The following A2ML1 variants were observed in gnomAD, a reference collection of about 807,000 sequenced individuals.
The protein encoded by A2ML1 is alpha-2-macroglobulin like 1.
In A2ML1, 161 loss-of-function variants were observed where a neutral mutation model predicts 181.9. That is an observed-to-expected ratio of 0.89 (90% CI 0.78 to 1.01). The LOEUF is 1.01. Ranked by LOEUF, A2ML1 falls within the 50% of genes least tolerant of loss-of-function variation. The pLI is 0.00. For synonymous variants in A2ML1, 663 were observed against 666.8 expected, an observed-to-expected ratio of 0.99 and a Z score of 0.09; for missense variants, 1,670 against 1,768.1, an observed-to-expected ratio of 0.94 and a Z score of 1.00.
chr12:8,868,070 C>T lies in A2ML1; in HGVS notation c.3933+13C>T, dbSNP rs754708984. Reference sequence around the variant, plus strand: ...TGTCTATGTGCAGGTAAGTAGAGATCCATGAGAATGAGCGGACATTGGGAA... The same window carrying T: ...TGTCTATGTGCAGGTAAGTAGAGATTCATGAGAATGAGCGGACATTGGGAA... On this transcript the variant is annotated intron_variant, in intron 30 of 35. Transcript: ENST00000299698. 3 of 1,612,556 alleles carry T rather than the reference C, an allele frequency of 1.9e-6. No homozygotes were observed. The highest frequency in any genetic ancestry group is 2.5e-6 in the Non-Finnish European group (3 of 1,178,582).
chr12:8,857,402 A>C, intron 24 of A2ML1, 62 bp downstream of exon 24: 4 of 1,580,518 alleles, frequency 2.5e-6, no homozygotes, highest in Non-Finnish European at 3.4e-6. Flanking sequence ...TGACAGATTG[A>C]TGATACAGGG....
chr12:8,854,795 G>A lies in A2ML1; in HGVS notation c.2728G>A (p.Val910Met). Residue 910 changes from valine (V) to methionine (M), a missense_variant, in exon 22 of 36, where the codon GTG (valine) becomes ATG (methionine). Coordinates refer to ENST00000299698, the MANE Select transcript of A2ML1 (RefSeq NM_144670.6). ...TTCATCGCAGCCTGAGGGAGTCCTGGTGGAGAAGACACACAGCTCATTGCT... is the reference window on the plus strand; with the variant it reads ...TTCATCGCAGCCTGAGGGAGTCCTGATGGAGAAGACACACAGCTCATTGCT... The part of the protein sequence containing the change: ...PVLVKPEGVL[V>M]EKTHSSLLCP... The A allele has an allele frequency of 6.2e-7, 1 of 1,614,102 alleles. No individual in the cohort carries two copies. Among genetic ancestry groups the A allele is most frequent in the South Asian group, 1.1e-5 (1 of 91,080 alleles).
At position 8,838,468 on chromosome 12, in the gene A2ML1, T is replaced by C; in HGVS notation, c.970+18T>C. 6.3e-7 allele frequency: 1 copy of C among 1,594,230 alleles called. No homozygotes were observed. Among genetic ancestry groups the C allele is most frequent in the Non-Finnish European group, 8.6e-7 (1 of 1,165,836 alleles). ...AGGGACAGGTAAGTAGGGTGCTCCT[T>C]GGCTCATTAAGAAAAGAGAAAGAAA... is the stretch of plus-strand genomic sequence containing the variant. On this transcript the variant is annotated intron_variant, in intron 9 of 35. Coordinates refer to ENST00000299698, the MANE Select transcript of A2ML1 (RefSeq NM_144670.6).
In A2ML1 at chr12:8,845,497, A is replaced by T. The variant is rs750108798; in HGVS notation, c.1532A>T (p.Lys511Met). 1 of 1,614,186 alleles carries T rather than the reference A, an allele frequency of 6.2e-7. No individual in the cohort carries two copies. The highest frequency in any genetic ancestry group is 1.3e-5 in the African/African-American group (1 of 75,056). Residue 511 changes from lysine (K) to methionine (M), a missense_variant, in exon 13 of 36, where the codon AAG (lysine) becomes ATG (methionine). Lys to Met is a moderately conservative substitution (Grantham distance 95, BLOSUM62 -1). Transcript: ENST00000299698. ...GGGCAGAAACACCTGAACTCTAAGA[A>T]GAAAGGTGAGTGTACATGCTTTTCC... ...MEGQKHLNSK[K>M]KGLKASFSLS... is the part of the protein sequence containing the mutation.
exon 8 of A2ML1, chr12:8,886,952 T>G (rs1317022606): frequency 6.6e-6 from 1 of 152,088 alleles, no homozygotes; most frequent in Non-Finnish European, 1.5e-5. Context: ...GAGATCAGCC[T>G]GGGCAACACA....
At chr12:8,851,697 C>T in intron 18 of A2ML1, 87 bp from the exon 19 acceptor site, 3 of 1,275,120 alleles carry the variant, frequency 2.4e-6, no homozygotes, top group South Asian at 1.3e-5. Context: ...TAAGCCAGCA[C>T]ACCCCACCGA....
intron 13 of A2ML1, 34 bp downstream of exon 13, chr12:8,845,536 G>T (rs1016254804): frequency 1.2e-6 from 2 of 1,612,182 alleles, no homozygotes; most frequent in Non-Finnish European, 1.7e-6. Context: ...AAGCAAACAG[G>T]ATATTTTTAA....
intron 11 of A2ML1, among the ~76,000 whole-genome samples, chr12:8,842,271 G>A (rs1943506477): frequency 6.6e-6 from 1 of 150,556 alleles, no homozygotes. Flanking sequence ...AGGCTGGAGT[G>A]CAGTGGCGTG....
chr12:8,878,281 C>A (rs146196860), downstream of A2ML1, among the ~76,000 whole-genome samples: 1 of 151,992 alleles, frequency 6.6e-6, no homozygotes, highest in Non-Finnish European at 1.5e-5. The surrounding 1 kb of genome is among the most constrained non-coding windows in gnomAD (Gnocchi z 4.4). Flanking sequence ...TCAGCCTGGG[C>A]GACAAGAGCA....
chr12:8,886,010 T>TCACTCA (rs1555121394), intron 7 of A2ML1, among the ~76,000 whole-genome samples: 1 of 144,894 alleles, frequency 6.9e-6, no homozygotes, highest in Non-Finnish European at 1.5e-5. Context: ...CAACAATATC[T>TCACTCA]CACACACACA....
Position 8,852,276 on chromosome 12 carries a change from A to G in A2ML1, c.2530A>G (p.Ser844Gly). Residue 844 changes from serine to glycine, a missense_variant, in exon 20 of 36, where the codon AGT becomes GGT. By Grantham distance (56) the Ser-to-Gly change is moderately conservative. Transcript: ENST00000299698. This position sits in a 1 kb window ranked among gnomAD's most constrained non-coding sequence, Gnocchi z 4.2. ...LESWADSQTS[S>G]CLCADDAKTH... The stretch of plus-strand genomic sequence containing the variant: ...ATCATGGGCAGATTCTCAGACCTCC[A>G]GTTGTCTCTGTGCTGATGACGCAAA... 6.2e-7 allele frequency: 1 copy of G among 1,614,160 alleles called. No individual in the cohort carries two copies. Among genetic ancestry groups the G allele is most frequent in the Non-Finnish European group, 8.5e-7 (1 of 1,180,030 alleles).
chr12:8,831,023 T>A (rs1260508252), intron 4 of A2ML1: 1 of 151,914 alleles, frequency 6.6e-6, no homozygotes, highest in Non-Finnish European at 1.5e-5. Context: ...CATGGCTCAC[T>A]GCAGCTTTGA....
chr12:8,882,507 T>C lies in A2ML1; in HGVS notation c.*94+1891T>C, dbSNP rs186189763. Reference sequence around the variant, plus strand: ...TGTAGCCCTGTTGAAATATTTATCATATCTCATCCAGACTGTTGCAAAAAC... The same window carrying C: ...TGTAGCCCTGTTGAAATATTTATCACATCTCATCCAGACTGTTGCAAAAAC... On this transcript the variant is annotated intron_variant and NMD_transcript_variant, in intron 7 of 7. Coordinates refer to the A2ML1 transcript ENST00000537475. Among the ~76,000 whole-genome samples, 76 of 152,358 alleles carry C rather than the reference T, an allele frequency of 5.0e-4. 1 individual carries two copies. The East Asian group carries it at 0.013, about 27-fold the overall frequency.
intron 33 of A2ML1, 91 bp downstream of exon 33, chr12:8,869,294 T>C: frequency 7.5e-7 from 1 of 1,335,866 alleles, no homozygotes; most frequent in Non-Finnish European, 1.1e-6. Flanking sequence ...GTCACACACA[T>C]GGGGATGAGG....
chr12:8,829,810 AG>A (rs755539035), intron 4 of A2ML1, 31 bp downstream of exon 4: 56 of 1,612,806 alleles, frequency 3.5e-5, no homozygotes, highest in Non-Finnish European at 4.4e-5. Flanking sequence ...GGAGTGGCGC[AG>A]GGAGAACAGG....
At chr12:8,857,821 G>A (rs1944121825) in intron 25 of A2ML1, 125 bp from the exon 26 acceptor site, 1 of 1,367,510 alleles carries the variant, frequency 7.3e-7, no homozygotes, top group South Asian at 1.3e-5. Context: ...TCTTTTCTAG[G>A]CCTGCTATGG....
At chr12:8,843,867 C>T (rs746926849) in intron 12 of A2ML1, among the ~76,000 whole-genome samples, 36 of 151,976 alleles carry the variant, frequency 2.4e-4, no homozygotes, top group African/African-American at 8.4e-4. Flanking sequence ...TACAGGCGCC[C>T]GCCACCACGC....
Position 8,863,815 on chromosome 12 carries a change from A to G in A2ML1, c.3524A>G (p.Gln1175Arg), listed in dbSNP as rs1354449007. 4 of 1,614,246 alleles carry G rather than the reference A, an allele frequency of 2.5e-6. No homozygotes were observed. The highest frequency in any genetic ancestry group is 1.1e-5 in the South Asian group (1 of 91,086). Residue 1175 changes from glutamine (Q) to arginine (R), a missense_variant, in exon 29 of 36, where the codon CAG (glutamine) becomes CGG (arginine). Transcript: ENST00000299698. ...IISGESIYWS[Q>R]KPTPSSNASP... ...ATAGGAGAATCCATTTACTGGAGCC[A>G]GAAACCTACTCCATCATCGAACGCC...
At chr12:8,873,154 C>T (rs1368471596) in intron 33 of A2ML1, among the ~76,000 whole-genome samples, 2 of 152,060 alleles carry the variant, frequency 1.3e-5, no homozygotes, top group South Asian at 4.2e-4. Context: ...GGTCCCTCGA[C>T]CACACTTTGA....
Sources: gnomAD v4.1 joint callset for allele counts (sites outside exome capture counted in the v4.1 genomes callset) on GRCh38, gnomAD v4.1.1 for gene constraint, Gnocchi (gnomAD v3.1) non-coding constraint, MANE v1.5 for transcripts, NCBI Gene and HGNC (gene_info 2026-07-23, HGNC 2026-07-21) for gene names.